BMPR2: variants seen among roughly 807,000 people sequenced by gnomAD.
BMPR2 encodes bone morphogenetic protein receptor type-2.
A neutral mutation model predicts 100.8 loss-of-function variants in BMPR2; 29 were observed. The ratio of observed to expected loss-of-function variants is 0.29; its 90% CI spans 0.21 to 0.39. BMPR2 has a LOEUF of 0.39. BMPR2 is among the 10% of genes least tolerant of loss of function. The pLI is 1.00. For missense variants in BMPR2, 1,011 were observed against 1,274.5 expected (o/e 0.79, Z 3.15); for synonymous variants, 382 against 442.3 (o/e 0.86, Z 1.71).
chr2:202,483,534 GA>G (rs993137026), intron 3 of BMPR2, among the ~76,000 whole-genome samples: 1 of 151,974 alleles, frequency 6.6e-6, no homozygotes, highest in African/African-American at 2.4e-5. Flanking sequence ...AAGTAGCTGG[GA>G]TTACAGGTGT....
chr2:202,476,156 T>C (rs1458926022), intron 3 of BMPR2, among the ~76,000 whole-genome samples: 1 of 151,584 alleles, frequency 6.6e-6, no homozygotes, highest in Non-Finnish European at 1.5e-5. Context: ...TTAATAAATA[T>C]CTTCTGAAAT....
At chr2:202,485,569 CAG>C (rs1180667317) in intron 3 of BMPR2, among the ~76,000 whole-genome samples, 5 of 1,864 alleles carry the variant, frequency 2.7e-3, no homozygotes, top group Middle Eastern at 0.25. Context: ...TTTTTTGAGA[CAG>C]AGTCTCACTC....
intron 1 of BMPR2, among the ~76,000 whole-genome samples, chr2:202,398,296 T>G (rs1000649282): frequency 1.3e-5 from 2 of 152,172 alleles, no homozygotes; most frequent in African/African-American, 4.8e-5. Flanking sequence ...ATGTAAGCTG[T>G]CTCAAAACAA....
intron 3 of BMPR2, among the ~76,000 whole-genome samples, chr2:202,475,292 C>A (rs1692523945): frequency 6.6e-6 from 1 of 152,050 alleles, no homozygotes; most frequent in African/African-American, 2.4e-5. Context: ...CCTCGGCTTC[C>A]CAAAGTGTTG....
intron 1 of BMPR2, among the ~76,000 whole-genome samples, chr2:202,460,843 T>G: frequency 6.8e-6 from 1 of 147,190 alleles, no homozygotes; most frequent in East Asian, 2.0e-4. Flanking sequence ...TTTTAAGAGA[T>G]AGGGTATCAC....
chr2:202,477,549 G>T (rs965928989), intron 3 of BMPR2, among the ~76,000 whole-genome samples: 1 of 152,090 alleles, frequency 6.6e-6, no homozygotes, highest in Non-Finnish European at 1.5e-5. Context: ...CAGCACTTTG[G>T]GAGGCCAAGG....
rs571880103 is a variant in BMPR2 at position 202,440,810 on chromosome 2, T to C, written c.77-23999T>C. On this transcript the variant is annotated intron_variant, in intron 1 of 12. Transcript: ENST00000374580. Reference sequence around the variant, plus strand: ...GGGAGACCGGGGAGACCGGGGAGACTGGGGAGAGGGAGAGGGAGAGCAGTT... The same window carrying C: ...GGGAGACCGGGGAGACCGGGGAGACCGGGGAGAGGGAGAGGGAGAGCAGTT... Among the ~76,000 whole-genome samples, 12 of 149,656 alleles carry C rather than the reference T, an allele frequency of 8.0e-5. 1 individual carries two copies. The highest frequency in any genetic ancestry group is 5.8e-4 in the East Asian group (3 of 5,176).
At chr2:202,558,992 G>A (rs1364681880) in intron 12 of BMPR2, among the ~76,000 whole-genome samples, 1 of 151,120 alleles carries the variant, frequency 6.6e-6, no homozygotes, top group Non-Finnish European at 1.5e-5. Context: ...AATATTGTAT[G>A]CCAGGTGCCT....
intron 9 of BMPR2, among the ~76,000 whole-genome samples, chr2:202,534,271 T>A (rs1688083961): frequency 6.6e-6 from 1 of 150,420 alleles, no homozygotes; most frequent in Non-Finnish European, 1.5e-5. Context: ...TTTATTTATT[T>A]ATTTTTTATT....
At chr2:202,380,088 G>A (rs900779664) in intron 1 of BMPR2, among the ~76,000 whole-genome samples, 5 of 151,284 alleles carry the variant, frequency 3.3e-5, no homozygotes, top group Admixed American at 1.3e-4. Flanking sequence ...GGGTGGTTTC[G>A]AACTCCTGAC....
In BMPR2 at chr2:202,441,476, G is replaced by A. The variant is rs186222209; in HGVS notation, c.77-23333G>A. Among the ~76,000 whole-genome samples the A allele has an allele frequency of 4.1e-4, 61 of 148,746 alleles. 5 individuals are homozygous for A. Among genetic ancestry groups the A allele is most frequent in the Admixed American group, 8.6e-4 (13 of 15,094 alleles). On this transcript the variant is annotated intron_variant, in intron 1 of 12. Coordinates refer to ENST00000374580, the MANE Select transcript of BMPR2 (RefSeq NM_001204.7). ...TCCCAGCACTTTGGGAGGCCGAGGCGGGTGGATCACGAGGTCAGCAGATGG... is the reference window on the plus strand; with the variant it reads ...TCCCAGCACTTTGGGAGGCCGAGGCAGGTGGATCACGAGGTCAGCAGATGG...
chr2:202,477,445 C>T (rs374625449), intron 3 of BMPR2, among the ~76,000 whole-genome samples: 14 of 151,958 alleles, frequency 9.2e-5, no homozygotes, highest in South Asian at 8.3e-4. Context: ...TGTCCTTATA[C>T]TTGAGAAACA....
Position 202,484,963 on chromosome 2 carries a change from C to T in BMPR2, c.418+17274C>T, listed in dbSNP as rs13020819. Among the ~76,000 whole-genome samples, 172 of 115,018 alleles carry T rather than the reference C, an allele frequency of 1.5e-3. 1 individual carries two copies. Among genetic ancestry groups the T allele is most frequent in the African/African-American group, 4.9e-3 (154 of 31,136 alleles). The allele number at this position is 115,018 out of a possible 152,430, so 75.5% of individuals were successfully genotyped here. The stretch of plus-strand genomic sequence containing the variant: ...CAGCCTGGGCGACAGAGTGAGACTC[C>T]GTCTCAAAAAAAAAAAAAAAAAAAA... On this transcript the variant is annotated intron_variant, in intron 3 of 12. Transcript: ENST00000374580.
At chr2:202,513,438 CTG>C (rs1687658134) in intron 3 of BMPR2, among the ~76,000 whole-genome samples, 2 of 152,106 alleles carry the variant, frequency 1.3e-5, no homozygotes, top group African/African-American at 4.8e-5. Flanking sequence ...TTATACTATC[CTG>C]TCTAATCTGT....
rs955720892 is a variant in BMPR2 at position 202,408,112 on chromosome 2, C to T, written c.76+30562C>T. Among the ~76,000 whole-genome samples, 16 of 152,122 alleles carry T rather than the reference C, an allele frequency of 1.1e-4. No homozygotes were observed. In the East Asian group the frequency reaches 2.9e-3, roughly 28 times the overall value. On this transcript the variant is annotated intron_variant, in intron 1 of 12. Transcript: ENST00000374580. ...CCTCCCAAAGTGCTGGGATTACAGG[C>T]GTGAGCCACCGTGCCTGGGCTTTAA...
Position 202,556,283 on chromosome 2 carries a change from G to GAGAGCAACA in BMPR2, c.2621_2629dup (p.Glu874_Gln876dup). On this transcript the variant is annotated inframe_insertion, in exon 12 of 13. Transcript: ENST00000374580. ...GATGAGCATGAGCCTTTACTGAGAC[G>GAGAGCAACA]AGAGCAACAAGCTGGCCATGATGAA... 6.2e-7 allele frequency: 1 copy of GAGAGCAACA among 1,614,186 alleles called. No homozygotes were observed. Among genetic ancestry groups the GAGAGCAACA allele is most frequent in the South Asian group, 1.1e-5 (1 of 91,060 alleles).
intron 5 of BMPR2, 90 bp from the exon 6 acceptor site, chr2:202,518,732 G>A (rs1401838169): frequency 2.7e-5 from 27 of 1,017,764 alleles, no homozygotes; most frequent in Non-Finnish European, 3.5e-5. Flanking sequence ...GAGAGCTGTA[G>A]CATTCTGTTT....
intron 1 of BMPR2, among the ~76,000 whole-genome samples, chr2:202,446,127 G>T (rs537737575): frequency 1.3e-5 from 2 of 150,548 alleles, no homozygotes; most frequent in Non-Finnish European, 2.9e-5. Flanking sequence ...CAGGCTGGGC[G>T]TGGTGGCTCA....
intron 1 of BMPR2, among the ~76,000 whole-genome samples, chr2:202,377,796 A>C (rs1045277576): frequency 6.6e-6 from 1 of 152,198 alleles, no homozygotes; most frequent in Non-Finnish European, 1.5e-5. Flanking sequence ...GGGGTGAAAA[A>C]GACATATTGG....
Sources: gnomAD v4.1 joint callset for allele counts (sites outside exome capture counted in the v4.1 genomes callset) on GRCh38, gnomAD v4.1.1 for gene constraint, MANE v1.5 for transcripts, NCBI Gene and HGNC (gene_info 2026-07-23, HGNC 2026-07-21) for gene names.